The following TMPRSS15 variants were observed in gnomAD, a reference collection of about 807,000 sequenced individuals.
TMPRSS15 encodes the protein enteropeptidase.
In TMPRSS15, 128 loss-of-function variants were observed where a neutral mutation model predicts 125.3. That is an observed-to-expected ratio of 1.02 (90% CI 0.89 to 1.18). The LOEUF (loss-of-function observed/expected upper bound fraction) is 1.18. Ranked by LOEUF, TMPRSS15 falls within the 50% of genes most tolerant of loss-of-function variation. TMPRSS15 has a pLI of 0.00. For synonymous variants in TMPRSS15, 446 were observed against 423.2 expected (o/e 1.05, Z -0.66); for missense variants, 1,283 against 1,212.7 (o/e 1.06, Z -0.86).
chr21:18,313,277 T>G (rs1569000536), intron 17 of TMPRSS15, among the ~76,000 whole-genome samples, 200 bp from the exon 18 acceptor site: 1 of 152,094 alleles, frequency 6.6e-6, no homozygotes, highest in East Asian at 1.9e-4. Context: ...TTTCTCATCA[T>G]GAAATATGGT....
At chr21:18,273,504 GA>G (rs2074585661) in intron 24 of TMPRSS15, among the ~76,000 whole-genome samples, 1 of 152,152 alleles carries the variant, frequency 6.6e-6, no homozygotes, top group Non-Finnish European at 1.5e-5. Flanking sequence ...GCTTACCAAG[GA>G]ATAACATGCT....
intron 18 of TMPRSS15, among the ~76,000 whole-genome samples, chr21:18,301,282 T>C (rs902121615): frequency 6.6e-6 from 1 of 152,162 alleles, no homozygotes; most frequent in Non-Finnish European, 1.5e-5. Flanking sequence ...AACTCATTCT[T>C]TTTCTGACTA....
chr21:18,443,122 A>G (rs2076246403), intron 1 of TMPRSS15, among the ~76,000 whole-genome samples: 1 of 152,210 alleles, frequency 6.6e-6, no homozygotes, highest in Non-Finnish European at 1.5e-5. Flanking sequence ...AGCCCCGATT[A>G]AATAGTGCAG....
At chr21:18,407,003 A>G (rs965653840), upstream of TMPRSS15, among the ~76,000 whole-genome samples, 1 of 152,212 alleles carries the variant, frequency 6.6e-6, no homozygotes, top group Non-Finnish European at 1.5e-5. Context: ...ATAATAAAAC[A>G]AAATTATATG....
chr21:18,306,709 T>G lies in TMPRSS15; in HGVS notation c.2165+6236A>C, dbSNP rs115557369. On this transcript the variant is annotated intron_variant, in intron 18 of 24. Coordinates refer to ENST00000284885, the MANE Select transcript of TMPRSS15 (RefSeq NM_002772.3). ...TAATGATTTAGCAGGGTAAATCAGC[T>G]ATATCATTTATATATTGGGTTAGTA... is the stretch of plus-strand genomic sequence containing the variant. 5.2e-3 allele frequency among the ~76,000 whole-genome samples: 790 copies of G among 152,224 alleles called. 5 individuals carry two copies. Among genetic ancestry groups the G allele is most frequent in the African/African-American group, 0.018 (748 of 41,540 alleles).
At chr21:18,332,272 A>G in intron 13 of TMPRSS15, 99 bp from the exon 14 acceptor site, 1 of 1,125,732 alleles carries the variant, frequency 8.9e-7, no homozygotes, top group Non-Finnish European at 1.3e-6. Context: ...TTCTTAGAAT[A>G]CAAATTTTGG....
At chr21:18,284,581 T>C (rs1329667294) in intron 21 of TMPRSS15, among the ~76,000 whole-genome samples, 1 of 152,148 alleles carries the variant, frequency 6.6e-6, no homozygotes, top group East Asian at 1.9e-4. Context: ...TTTTATGTTT[T>C]TAAAATCTGG....
At chr21:18,396,296 C>T (rs532673471) in intron 3 of TMPRSS15, among the ~76,000 whole-genome samples, 1 of 152,150 alleles carries the variant, frequency 6.6e-6, no homozygotes, top group Non-Finnish European at 1.5e-5. Context: ...GCTACTCTAA[C>T]ATTCTCATAT....
intron 15 of TMPRSS15, among the ~76,000 whole-genome samples, chr21:18,327,468 C>T (rs1263201777): frequency 2.6e-5 from 4 of 152,288 alleles, no homozygotes; most frequent in African/African-American, 9.6e-5. Context: ...ATGTGTGGCT[C>T]CCAAAATCCT....
Position 18,383,712 on chromosome 21 carries a change from T to G in TMPRSS15, c.411A>C (p.Lys137Asn), listed in dbSNP as rs932538386. ...CTTCAAGGCCTTGAATCAGTTCTTC[T>G]TTTACATTTTCATCTGACACCCACT... ...FAQWVSDENVKEELIQGLEAN... is the reference protein window; with the variant it reads ...FAQWVSDENVNEELIQGLEAN... The change falls in exon 4 of 25, where the codon AAA becomes AAC. Residue 137 changes from lysine to asparagine, a missense_variant. Transcript: ENST00000284885. 6.2e-7 allele frequency: 1 copy of G among 1,613,944 alleles called. No homozygotes were observed.
At chr21:18,465,634 C>G (rs1020080245) in intron 1 of TMPRSS15, among the ~76,000 whole-genome samples, 1 of 152,026 alleles carries the variant, frequency 6.6e-6, no homozygotes, top group East Asian at 1.9e-4. Flanking sequence ...AACAGAGAGC[C>G]AAATCATGAG....
chr21:18,323,218 T>C (rs2075256698), intron 16 of TMPRSS15, among the ~76,000 whole-genome samples: 1 of 152,214 alleles, frequency 6.6e-6, no homozygotes, highest in East Asian at 1.9e-4. Flanking sequence ...TGGAATGCCA[T>C]GTGCTGTTAG....
chr21:18,483,757 G>A (rs1230148250), intron 1 of TMPRSS15, among the ~76,000 whole-genome samples: 1 of 151,766 alleles, frequency 6.6e-6, no homozygotes, highest in South Asian at 2.1e-4. Flanking sequence ...TTAAGGTATA[G>A]CATTTATACA....
chr21:18,405,631 T>TATATGAAAAACC (rs2076147831), upstream of TMPRSS15, among the ~76,000 whole-genome samples: 1 of 152,174 alleles, frequency 6.6e-6, no homozygotes, highest in Non-Finnish European at 1.5e-5. Context: ...ACGTAGGGCA[T>TATATGAAAAACC]TAATAATAGG....
intron 13 of TMPRSS15, 30 bp downstream of exon 13, chr21:18,341,383 T>A: frequency 6.2e-7 from 1 of 1,613,914 alleles, no homozygotes; most frequent in East Asian, 2.2e-5. Flanking sequence ...AATGATTTAA[T>A]AAGACAAAAT....
chr21:18,394,310 G>C (rs73325927), intron 3 of TMPRSS15, among the ~76,000 whole-genome samples: 1,525 of 152,056 alleles, frequency 0.01, 33 homozygotes, highest in African/African-American at 0.035. Flanking sequence ...GATTATTTTG[G>C]GAAGATAAGG....
chr21:18,330,725 G>A (rs993986831), intron 14 of TMPRSS15, among the ~76,000 whole-genome samples: 1 of 152,048 alleles, frequency 6.6e-6, no homozygotes, highest in African/African-American at 2.4e-5. Flanking sequence ...TTGTTTAAAT[G>A]TTCCACTTCT....
intron 8 of TMPRSS15, among the ~76,000 whole-genome samples, chr21:18,355,455 A>G: frequency 6.6e-6 from 1 of 151,916 alleles, no homozygotes; most frequent in East Asian, 1.9e-4. Flanking sequence ...AAAATGGTGT[A>G]GAATATGTGT....
chr21:18,285,043 C>A (rs781151794), intron 21 of TMPRSS15, among the ~76,000 whole-genome samples: 6 of 151,974 alleles, frequency 3.9e-5, no homozygotes, highest in Middle Eastern at 3.4e-3. Context: ...TGAATTTTTG[C>A]TGCATTTCAC....
Sources: allele counts gnomAD v4.1 joint callset (sites outside exome capture counted in the v4.1 genomes callset), GRCh38; gene constraint gnomAD v4.1.1; transcripts MANE v1.5; gene names NCBI Gene and HGNC (gene_info 2026-07-23, HGNC 2026-07-21).